Variants in LAMB4 observed in about 807,000 individuals in gnomAD.
LAMB4 encodes the protein laminin subunit beta-4.
LAMB4 carries 196 observed loss-of-function variants against 199.2 expected under a neutral mutation model. That is an observed-to-expected ratio of 0.98 (90% CI 0.88 to 1.11). The LOEUF is 1.11. Ranked by LOEUF, LAMB4 falls within the 50% of genes least tolerant of loss-of-function variation. The pLI, the probability that LAMB4 is intolerant of heterozygous loss-of-function variation, is 0.00. For synonymous variants in LAMB4, 744 were observed against 770.6 expected (o/e 0.97, Z 0.57); for missense variants, 2,080 against 2,171.2 (o/e 0.96, Z 0.83).
At chr7:108,049,218 T>C in intron 27 of LAMB4, 108 bp downstream of exon 27, 2 of 333,704 alleles carry the variant, frequency 6.0e-6, no homozygotes, top group Non-Finnish European at 1.1e-5. Context: ...ATTTCTAATA[T>C]ATAATGAAAA....
At chr7:108,084,423 G>C (rs922596450) in intron 14 of LAMB4, among the ~76,000 whole-genome samples, 1 of 151,878 alleles carries the variant, frequency 6.6e-6, no homozygotes, top group Non-Finnish European at 1.5e-5. Context: ...ATGCTTTGCT[G>C]TCACCATCTT....
At chr7:108,107,319 G>A (rs1365672550) in intron 6 of LAMB4, among the ~76,000 whole-genome samples, 4 of 152,162 alleles carry the variant, frequency 2.6e-5, no homozygotes, top group Non-Finnish European at 4.4e-5. Flanking sequence ...ATGTCAGGCT[G>A]CTGCTAGCTT....
the LAMB4 span, among the ~76,000 whole-genome samples, chr7:108,012,536 T>C: frequency 1.3e-5 from 2 of 152,262 alleles, no homozygotes; most frequent in Non-Finnish European, 2.9e-5. Flanking sequence ...CTGGGTTGTT[T>C]CTTCGAAATA....
chr7:108,123,553 G>A (rs531411974), intron 1 of LAMB4, among the ~76,000 whole-genome samples: 1 of 152,214 alleles, frequency 6.6e-6, no homozygotes, highest in Admixed American at 6.5e-5. Flanking sequence ...TATAGAAAAA[G>A]TAGAATATTC....
chr7:108,068,241 T>A (rs1010850073), intron 18 of LAMB4, 82 bp from the exon 19 acceptor site: 13 of 1,420,540 alleles, frequency 9.2e-6, no homozygotes, highest in Non-Finnish European at 1.3e-5. Flanking sequence ...ATAGTTCACC[T>A]CTCTCTCATT....
chr7:108,062,165 A>G (rs1047118014), intron 23 of LAMB4, among the ~76,000 whole-genome samples: 21 of 152,236 alleles, frequency 1.4e-4, no homozygotes, highest in Admixed American at 3.9e-4. Context: ...TGTTATCCTC[A>G]TTAAAAATTC....
At chr7:108,014,540 A>G in the LAMB4 span, among the ~76,000 whole-genome samples, 31 of 152,192 alleles carry the variant, frequency 2.0e-4, no homozygotes, top group Non-Finnish European at 2.1e-4. Context: ...CATCTCCCCA[A>G]AGTGGGTTAA....
At chr7:108,028,962 A>G in intron 33 of LAMB4, 81 bp downstream of exon 33, 1 of 1,318,398 alleles carries the variant, frequency 7.6e-7, no homozygotes, top group Non-Finnish European at 1.1e-6. Context: ...CTGTAAGCTG[A>G]CATTGGTATA....
chr7:108,025,363 ATTCTTTCT>A (rs200078120), intron 33 of LAMB4, among the ~76,000 whole-genome samples: 2 of 135,148 alleles, frequency 1.5e-5, no homozygotes, highest in African/African-American at 3.6e-5. Context: ...CTGTCACTAG[ATTCTTTCT>A]TTCTTTCTTT....
At chr7:108,066,057 G>A (rs535210789) in intron 20 of LAMB4, 138 bp from the exon 21 acceptor site, 7 of 864,488 alleles carry the variant, frequency 8.1e-6, no homozygotes, top group African/African-American at 7.7e-5. Flanking sequence ...TCTGCAAAAC[G>A]ACTTTTGGTT....
downstream of LAMB4, among the ~76,000 whole-genome samples, chr7:108,023,356 A>T (rs1167012514): frequency 6.6e-6 from 1 of 152,240 alleles, no homozygotes; most frequent in Non-Finnish European, 1.5e-5. Context: ...CTTATCTTTT[A>T]TACTAAACAA....
intron 31 of LAMB4, among the ~76,000 whole-genome samples, chr7:108,033,055 A>G (rs2035096695): frequency 6.6e-6 from 1 of 152,164 alleles, no homozygotes; most frequent in Admixed American, 6.6e-5. Flanking sequence ...AGGGTTCCTT[A>G]AGAGATTGGT....
rs1167919885 is a variant in LAMB4, at chr7:108,092,317, A to G, written c.1550+20T>C. The G allele has an allele frequency of 6.3e-7, 1 of 1,585,368 alleles. No homozygotes were observed. The highest frequency in any genetic ancestry group is 1.3e-5 in the African/African-American group (1 of 74,326). On this transcript the variant is annotated intron_variant, in intron 13 of 33. Coordinates refer to ENST00000388781, the MANE Select transcript of LAMB4 (RefSeq NM_007356.3). ...TTATGTTTAAATAAGGAATATTGCT[A>G]TAAAACTTATTTGACTTACACGTTA...
intron 19 of LAMB4, 97 bp from the exon 20 acceptor site, chr7:108,066,697 C>T: frequency 1.3e-6 from 1 of 766,470 alleles, no homozygotes; most frequent in Non-Finnish European, 2.2e-6. Context: ...TTCCCAATCC[C>T]AGTGAACTAA....
At chr7:108,083,245 G>A (rs1470260033) in intron 14 of LAMB4, among the ~76,000 whole-genome samples, 2 of 152,042 alleles carry the variant, frequency 1.3e-5, no homozygotes, top group Non-Finnish European at 1.5e-5. Flanking sequence ...GTCTTGCTCC[G>A]GGCCTATTTT....
chr7:108,048,780 C>T (rs2035733110), intron 27 of LAMB4, among the ~76,000 whole-genome samples: 1 of 152,204 alleles, frequency 6.6e-6, no homozygotes, highest in Non-Finnish European at 1.5e-5. Context: ...GCAACCTCCA[C>T]CTGCCAGGTT....
chr7:108,096,464 A>G (rs1372333302), intron 11 of LAMB4, among the ~76,000 whole-genome samples: 2 of 152,218 alleles, frequency 1.3e-5, no homozygotes, highest in Non-Finnish European at 2.9e-5. Context: ...ACATGGAAAT[A>G]CAAATATCCC....
intron 28 of LAMB4, 50 bp downstream of exon 28, chr7:108,047,858 T>C (rs771277870): frequency 2.0e-6 from 3 of 1,482,004 alleles, no homozygotes; most frequent in Non-Finnish European, 2.8e-6. Context: ...TTAAGCAGTC[T>C]GCTTCTTTAT....
chr7:108,088,067 T>C (rs426812), intron 14 of LAMB4, among the ~76,000 whole-genome samples: 55,917 of 152,170 alleles, frequency 0.37, 10,936 homozygotes, highest in East Asian at 0.58. Context: ...GCTTTGCTTC[T>C]GATTTCTCTT....
Sources: allele counts gnomAD v4.1 joint callset (sites outside exome capture counted in the v4.1 genomes callset), GRCh38; gene constraint gnomAD v4.1.1; transcripts MANE v1.5; gene names NCBI Gene and HGNC (gene_info 2026-07-23, HGNC 2026-07-21).